Variants in ARID2 observed in about 807,000 individuals in gnomAD.
The protein encoded by ARID2 is AT-rich interaction domain 2.
ARID2 carries 32 observed loss-of-function variants against 184.6 expected under a neutral mutation model. The observed-to-expected ratio is 0.17, with a 90% confidence interval of 0.13 to 0.23. The LOEUF (loss-of-function observed/expected upper bound fraction) is 0.23, where lower values mean the gene tolerates loss of function less well. ARID2 is among the 10% of genes least tolerant of loss of function. The probability of loss-of-function intolerance (pLI) is 1.00; values close to 1 mark genes in which losing one functional copy is unlikely to be tolerated. For missense variants in ARID2, 1,696 were observed against 2,197.6 expected (o/e 0.77, Z 4.56); for synonymous variants, 836 against 772.6 (o/e 1.08, Z -1.36).
chr12:45,803,655 A>G (rs746848179), intron 3 of ARID2, among the ~76,000 whole-genome samples: 2 of 152,086 alleles, frequency 1.3e-5, no homozygotes, highest in African/African-American at 2.4e-5. Flanking sequence ...CTTCTTTCAT[A>G]TCTTATTGCA....
intron 16 of ARID2, among the ~76,000 whole-genome samples, chr12:45,864,830 T>G (rs908874313): frequency 1.3e-5 from 2 of 152,210 alleles, no homozygotes; most frequent in Non-Finnish European, 2.9e-5. Flanking sequence ...GTCATTTGCC[T>G]TCTTTGAGGA....
At chr12:45,860,705 A>G in intron 15 of ARID2, 96 bp from the exon 16 acceptor site, 1 of 1,088,852 alleles carries the variant, frequency 9.2e-7, no homozygotes, top group African/African-American at 1.6e-5. Context: ...TATGGTAGAA[A>G]TGTATAACAA....
At position 45,851,751 on chromosome 12, in the gene ARID2, G is replaced by A. The variant is rs1388727221; in HGVS notation, c.3628G>A (p.Val1210Ile). Residue 1210 changes from valine (V) to isoleucine (I), a missense_variant, in exon 15 of 21, where the codon GTT becomes ATT. Coordinates refer to ENST00000334344, the MANE Select transcript of ARID2 (RefSeq NM_152641.4). ...TACCATGAGCGGAACGCAGACAGGA[G>A]TTGGACTTCCAGTACAAACGCTTCC... ...GITMSGTQTG[V>I]GLPVQTLPAT... 3.7e-6 allele frequency: 6 copies of A among 1,614,058 alleles called. No individual in the cohort carries two copies. Among genetic ancestry groups the A allele is most frequent in the Non-Finnish European group, 5.1e-6 (6 of 1,180,020 alleles).
At chr12:45,785,316 A>T (rs1242123701) in intron 3 of ARID2, among the ~76,000 whole-genome samples, 1 of 152,206 alleles carries the variant, frequency 6.6e-6, no homozygotes, top group African/African-American at 2.4e-5. Context: ...TTTTAGTAAT[A>T]CTTACCTCAT....
intron 3 of ARID2, among the ~76,000 whole-genome samples, chr12:45,761,372 T>C (rs944457112): frequency 6.6e-6 from 1 of 152,254 alleles, no homozygotes; most frequent in African/African-American, 2.4e-5. Flanking sequence ...TTGACTAGAT[T>C]ACATTTTTCA....
chr12:45,770,838 G>A (rs1219630334), intron 3 of ARID2, among the ~76,000 whole-genome samples: 2 of 152,174 alleles, frequency 1.3e-5, no homozygotes, highest in Non-Finnish European at 2.9e-5. Flanking sequence ...AGAGAAAAGT[G>A]CACCAAATGG....
chr12:45,799,910 C>A (rs976542945), intron 3 of ARID2, among the ~76,000 whole-genome samples: 2 of 152,106 alleles, frequency 1.3e-5, no homozygotes, highest in Non-Finnish European at 2.9e-5. Flanking sequence ...AGTGTGGTAG[C>A]GCAATGATGG....
chr12:45,869,592 T>C (rs1943886977), intron 16 of ARID2, among the ~76,000 whole-genome samples: 1 of 152,140 alleles, frequency 6.6e-6, no homozygotes, highest in Admixed American at 6.5e-5. Flanking sequence ...TATCCAATTA[T>C]AATGTCTAGG....
At chr12:45,879,820 T>A (rs1347710928) in intron 16 of ARID2, among the ~76,000 whole-genome samples, 4 of 152,226 alleles carry the variant, frequency 2.6e-5, no homozygotes, top group Non-Finnish European at 5.9e-5. Flanking sequence ...GTATAAATAA[T>A]GTGTGATTGT....
At chr12:45,777,284 T>C (rs1240925211) in intron 3 of ARID2, among the ~76,000 whole-genome samples, 1 of 152,118 alleles carries the variant, frequency 6.6e-6, no homozygotes, top group East Asian at 1.9e-4. Context: ...TAAATAGTGG[T>C]AGAAAAGAAT....
intron 3 of ARID2, among the ~76,000 whole-genome samples, chr12:45,791,407 C>T (rs1378694912): frequency 6.6e-6 from 1 of 152,158 alleles, no homozygotes; most frequent in African/African-American, 2.4e-5. Flanking sequence ...CTGGTATAAA[C>T]TCAACTTTTT....
At chr12:45,773,558 C>T (rs1941918361) in intron 3 of ARID2, among the ~76,000 whole-genome samples, 1 of 151,928 alleles carries the variant, frequency 6.6e-6, no homozygotes, top group African/African-American at 2.4e-5. Context: ...AGAGGAGACA[C>T]TGCTACCAAT....
rs1944548715 is a variant in ARID2 at position 45,907,748 on chromosome 12, T to TA, written c.*2671dup. ...GTTCTGTAAATACATGCTTTAATGT[T>TA]ATCTTTGAGAAATCTATGTAAATAA... On this transcript the variant is annotated 3_prime_UTR_variant, in exon 21 of 21. Coordinates refer to ENST00000334344, the MANE Select transcript of ARID2 (RefSeq NM_152641.4). 4.3e-6 allele frequency: 1 copy of TA among 232,886 alleles called. No homozygotes were observed. The highest frequency in any genetic ancestry group is 2.2e-5 in the African/African-American group (1 of 45,334). 14.4% of individuals were successfully genotyped at this position (232,886 alleles called of 1,614,324 possible).
chr12:45,848,566 T>G (rs1224026448), intron 12 of ARID2, among the ~76,000 whole-genome samples: 1 of 152,156 alleles, frequency 6.6e-6, no homozygotes, highest in Non-Finnish European at 1.5e-5. Flanking sequence ...ACATTTGTTG[T>G]CAGCAGACCA....
At chr12:45,847,552 C>A (rs955220784) in intron 12 of ARID2, among the ~76,000 whole-genome samples, 1 of 151,932 alleles carries the variant, frequency 6.6e-6, no homozygotes, top group African/African-American at 2.4e-5. Flanking sequence ...TGGATAGTTG[C>A]CTCAACATTA....
At chr12:45,829,611 AT>A (rs1224594892) in intron 6 of ARID2, among the ~76,000 whole-genome samples, 4 of 150,488 alleles carry the variant, frequency 2.7e-5, no homozygotes, top group African/African-American at 9.8e-5. Context: ...CCATTTATAG[AT>A]TGTAGATTAT....
chr12:45,816,341 A>G (rs549848010), intron 4 of ARID2, among the ~76,000 whole-genome samples: 28 of 152,352 alleles, frequency 1.8e-4, no homozygotes, highest in African/African-American at 6.5e-4. Flanking sequence ...GAAAATGAAA[A>G]GATAAGCCAC....
At position 45,773,683 on chromosome 12, in the gene ARID2, T is replaced by TA. The variant is rs201311568; in HGVS notation, c.285-37725dup. Among the ~76,000 whole-genome samples, 47 of 148,650 alleles carry TA rather than the reference T, an allele frequency of 3.2e-4. No homozygotes were observed. In the Middle Eastern group the frequency reaches 0.01, roughly 32 times the overall value. ...AAGATACAAACTACCAAAATTGACTTAAAAAAAAAAGACAATGTAAATAGA... is the reference window on the plus strand; with the variant it reads ...AAGATACAAACTACCAAAATTGACTTAAAAAAAAAAAGACAATGTAAATAGA... On this transcript the variant is annotated intron_variant, in intron 3 of 20. Coordinates refer to ENST00000334344, the MANE Select transcript of ARID2 (RefSeq NM_152641.4).
At chr12:45,842,386 A>G (rs1943364965) in intron 11 of ARID2, among the ~76,000 whole-genome samples, 1 of 151,784 alleles carries the variant, frequency 6.6e-6, no homozygotes. Context: ...TAAAACACAC[A>G]TACATATATT....
Sources: gnomAD v4.1 joint callset for allele counts (sites outside exome capture counted in the v4.1 genomes callset) on GRCh38, gnomAD v4.1.1 for gene constraint, MANE v1.5 for transcripts, NCBI Gene and HGNC (gene_info 2026-07-23, HGNC 2026-07-21) for gene names.